Variants in PHF14 observed in about 807,000 individuals in gnomAD.
PHF14 encodes the protein PHD finger protein 14.
Under a neutral mutation model 117.9 loss-of-function variants are expected in PHF14, and 55 were observed. The observed-to-expected ratio is 0.47, with a 90% confidence interval of 0.38 to 0.58. The LOEUF (loss-of-function observed/expected upper bound fraction) is 0.58. PHF14 is among the 20% of genes least tolerant of loss of function. The pLI, the probability that PHF14 is intolerant of heterozygous loss-of-function variation, is 0.00. For missense variants in PHF14, 978 were observed against 1,122.2 expected (o/e 0.87, Z 1.84); for synonymous variants, 409 against 368.6 (o/e 1.11, Z -1.26).
chr7:11,060,136 C>CA (rs1785167547), intron 14 of PHF14, among the ~76,000 whole-genome samples: 3 of 152,222 alleles, frequency 2.0e-5, no homozygotes, highest in African/African-American at 7.2e-5. Flanking sequence ...CTTAGCCTCT[C>CA]AAAGTGTTGA....
chr7:11,070,883 A>C (rs554337483), intron 16 of PHF14, among the ~76,000 whole-genome samples: 12 of 152,346 alleles, frequency 7.9e-5, no homozygotes, highest in Non-Finnish European at 1.5e-4. Flanking sequence ...ATACAATTAA[A>C]ATAGTTTATA....
In PHF14 at chr7:11,035,689, T is replaced by C. The variant is rs777184541; in HGVS notation, c.1505T>C (p.Leu502Ser). Residue 502 changes from leucine to serine, a missense_variant, in exon 8 of 18, where the codon TTA (leucine) becomes TCA (serine). By Grantham distance (145) the Leu-to-Ser change is moderately radical. Coordinates refer to ENST00000634607, the MANE Select transcript of PHF14 (RefSeq NM_001007157.2). ...TATTGTAAGCAACATGCAGATAGGT[T>C]AGACAGAAAGTGGAAGAGAAAAAAC... Reference protein sequence around the residue: ...FAYCKQHADRLDRKWKRKNYL... With the variant: ...FAYCKQHADRSDRKWKRKNYL... 130 of 1,610,564 alleles carry C rather than the reference T, an allele frequency of 8.1e-5. No homozygotes were observed. In the Admixed American group the frequency reaches 2.1e-3, roughly 26 times the overall value.
At chr7:11,093,955 T>A (rs760871297) in intron 16 of PHF14, among the ~76,000 whole-genome samples, 29 of 152,152 alleles carry the variant, frequency 1.9e-4, no homozygotes, top group Non-Finnish European at 3.7e-4. Flanking sequence ...TATGTTTTTT[T>A]CTCTTCACAG....
chr7:11,006,902 C>T (rs926427765), intron 4 of PHF14: 18 of 507,054 alleles, frequency 3.5e-5, no homozygotes, highest in East Asian at 1.7e-4. Context: ...TGTCCTGGCG[C>T]GGTGGCTCAC....
intron 17 of PHF14, among the ~76,000 whole-genome samples, chr7:11,117,692 G>A (rs576168818): frequency 3.4e-5 from 5 of 148,556 alleles, no homozygotes; most frequent in East Asian, 3.9e-4. Flanking sequence ...CTTTAAGAAC[G>A]GAACAATCTC....
chr7:11,076,672 A>T (rs1057243763), intron 16 of PHF14, among the ~76,000 whole-genome samples: 2 of 150,828 alleles, frequency 1.3e-5, no homozygotes, highest in Non-Finnish European at 2.9e-5. Context: ...GGTTCAAGCA[A>T]TTCTCCTGCC....
At chr7:11,114,021 G>T (rs1178214203) in intron 17 of PHF14, among the ~76,000 whole-genome samples, 2 of 152,048 alleles carry the variant, frequency 1.3e-5, no homozygotes, top group East Asian at 1.9e-4. Context: ...GTAGCACTGG[G>T]TATATTTGCC....
At chr7:11,168,213 T>C (rs1486478731) in intron 17 of PHF14, among the ~76,000 whole-genome samples, 1 of 152,178 alleles carries the variant, frequency 6.6e-6, no homozygotes. Context: ...CAAAATGATA[T>C]TCAAAACCCC....
At chr7:11,089,007 C>T (rs1338769650) in intron 16 of PHF14, among the ~76,000 whole-genome samples, 1 of 151,828 alleles carries the variant, frequency 6.6e-6, no homozygotes, top group Non-Finnish European at 1.5e-5. Flanking sequence ...AAATCTTCAA[C>T]ACCATTTTAA....
chr7:11,004,985 C>A (rs796320428), intron 4 of PHF14, among the ~76,000 whole-genome samples: 6 of 151,902 alleles, frequency 3.9e-5, no homozygotes, highest in Admixed American at 2.0e-4. Flanking sequence ...TCACTGCACT[C>A]CAGCCTGGGC....
rs540712973 is a variant in PHF14, at chr7:11,061,710, G to A, written c.2482-81G>A. ...AACCTAAGCAATAACATTTAACAGAGGAAATTTATATTTATTATTAATTAA... is the reference window on the plus strand; with the variant it reads ...AACCTAAGCAATAACATTTAACAGAAGAAATTTATATTTATTATTAATTAA... On this transcript the variant is annotated intron_variant, in intron 14 of 17. Coordinates refer to ENST00000634607, the MANE Select transcript of PHF14 (RefSeq NM_001007157.2). The A allele has an allele frequency of 4.6e-6, 5 of 1,086,502 alleles. No homozygotes were observed. In the South Asian group the frequency reaches 1.2e-4, roughly 26 times the overall value. The allele number at this position is 1,086,502 out of a possible 1,614,324, so 67.3% of individuals were successfully genotyped here.
At chr7:11,058,616 A>G (rs1004519046) in intron 14 of PHF14, among the ~76,000 whole-genome samples, 1 of 152,184 alleles carries the variant, frequency 6.6e-6, no homozygotes, top group Non-Finnish European at 1.5e-5. Flanking sequence ...TGCCAGTTTT[A>G]ATTTACTCTT....
At chr7:11,076,880 T>C (rs1454202321) in intron 16 of PHF14, among the ~76,000 whole-genome samples, 2 of 126,132 alleles carry the variant, frequency 1.6e-5, no homozygotes, top group Non-Finnish European at 3.6e-5. Flanking sequence ...CAAATATGGT[T>C]TTTTTTTTTT....
intron 4 of PHF14, among the ~76,000 whole-genome samples, chr7:10,995,554 A>G (rs1465660210): frequency 1.3e-5 from 2 of 152,206 alleles, no homozygotes; most frequent in Non-Finnish European, 2.9e-5. Flanking sequence ...GTGTGCCCGC[A>G]TTCCTCAGCC....
At chr7:11,055,047 G>A (rs1398579297) in intron 14 of PHF14, among the ~76,000 whole-genome samples, 1 of 151,910 alleles carries the variant, frequency 6.6e-6, no homozygotes, top group East Asian at 1.9e-4. Flanking sequence ...CAGAAGAATG[G>A]GTCCCATTCT....
chr7:11,169,002 T>A (rs1417031786), intron 17 of PHF14, among the ~76,000 whole-genome samples: 3 of 151,790 alleles, frequency 2.0e-5, no homozygotes, highest in Non-Finnish European at 2.9e-5. Context: ...GTACAAGTAA[T>A]TGGAAAATTG....
At chr7:11,127,372 C>T (rs1050834942) in intron 17 of PHF14, among the ~76,000 whole-genome samples, 1 of 151,914 alleles carries the variant, frequency 6.6e-6, no homozygotes, top group Admixed American at 6.6e-5. Flanking sequence ...TTTTGATTGG[C>T]ATTATCCCCA....
chr7:11,001,217 CT>C (rs1270747345), intron 4 of PHF14, among the ~76,000 whole-genome samples: 1 of 152,032 alleles, frequency 6.6e-6, no homozygotes, highest in African/African-American at 2.4e-5. Context: ...TTCTTTGGGT[CT>C]TTTTCTGGGC....
Position 11,037,087 on chromosome 7 carries a change from ATAAGG to A in PHF14, c.1980+1_1980+5del. On this transcript the variant is annotated splice_donor_variant and coding_sequence_variant, in exon 10 of 18. Transcript: ENST00000634607. LOFTEE classifies it high-confidence loss of function. Reference sequence around the variant, plus strand: ...CAAGAAAAGCTTCATGTAGAATATAATAAGGTAAGTTAGCTACAAAATATGCAACA... The same window carrying A: ...CAAGAAAAGCTTCATGTAGAATATAATAAGTTAGCTACAAAATATGCAACA... The A allele has an allele frequency of 6.7e-7, 1 of 1,492,068 alleles. No homozygotes were observed. Among genetic ancestry groups the A allele is most frequent in the Non-Finnish European group, 9.1e-7 (1 of 1,101,078 alleles). 92.4% of individuals were successfully genotyped at this position (1,492,068 alleles called of 1,614,324 possible).
Sources: gnomAD v4.1 joint callset for allele counts (sites outside exome capture counted in the v4.1 genomes callset) on GRCh38, gnomAD v4.1.1 for gene constraint, MANE v1.5 for transcripts, NCBI Gene and HGNC (gene_info 2026-07-23, HGNC 2026-07-21) for gene names.